The following CDC6 variants were observed in gnomAD, a reference collection of about 807,000 sequenced individuals.
The protein encoded by CDC6 is DNA replication factor CDC6.
CDC6 carries 46 observed loss-of-function variants against 60.2 expected under a neutral mutation model. The observed-to-expected ratio is 0.76, with a 90% confidence interval of 0.60 to 0.98. The LOEUF (loss-of-function observed/expected upper bound fraction) is 0.98. CDC6 is among the 50% of genes least tolerant of loss of function. CDC6 has a pLI of 0.00. For missense variants in CDC6, 596 were observed against 652.9 expected, an observed-to-expected ratio of 0.91 and a Z score of 0.95; for synonymous variants, 210 against 233.2, an observed-to-expected ratio of 0.90 and a Z score of 0.90.
At chr17:40,299,228 ACCT>A (rs1228114962) in intron 9 of CDC6, among the ~76,000 whole-genome samples, 3 of 136,734 alleles carry the variant, frequency 2.2e-5, no homozygotes, top group African/African-American at 8.5e-5. Context: ...GCTCAATGCA[ACCT>A]CCTCCTCCCA....
At position 40,300,991 on chromosome 17, in the gene CDC6, G is replaced by T. The variant is rs752887851; in HGVS notation, c.1413G>T (p.Leu471Phe). The change falls in exon 10 of 12, where the codon TTG (leucine) becomes TTT (phenylalanine). Residue 471 changes from leucine to phenylalanine, a missense_variant. Coordinates refer to ENST00000209728, the MANE Select transcript of CDC6 (RefSeq NM_001254.4). ...TCTTGGTTTGCTCTTTGATGCTCTTGATCAGGCAGTTGAAAATCAAAGAGG... is the reference window on the plus strand; with the variant it reads ...TCTTGGTTTGCTCTTTGATGCTCTTTATCAGGCAGTTGAAAATCAAAGAGG... ...QKILVCSLML[L>F]IRQLKIKEVT... The T allele has an allele frequency of 4.3e-6, 7 of 1,613,910 alleles. No individual in the cohort carries two copies. In the East Asian group the frequency reaches 1.3e-4, roughly 31 times the overall value.
chr17:40,301,441 C>T (rs764434710), intron 10 of CDC6, 27 bp from the exon 11 acceptor site: 122 of 1,612,276 alleles, frequency 7.6e-5, no homozygotes, highest in South Asian at 1.4e-4. Flanking sequence ...TTTTAAGCAG[C>T]GTTTGTTCTC....
intron 11 of CDC6, 117 bp from the exon 12 acceptor site, chr17:40,301,795 A>G (rs1292621546): frequency 2.1e-6 from 2 of 941,220 alleles, no homozygotes; most frequent in Non-Finnish European, 3.4e-6. Flanking sequence ...TGGAAAAAAA[A>G]GTGTTTAACT....
intron 6 of CDC6, 24 bp downstream of exon 6, chr17:40,294,080 A>C (rs1234118553): frequency 1.1e-5 from 16 of 1,480,716 alleles, no homozygotes; most frequent in African/African-American, 2.8e-5. Context: ...TGTTAATGTT[A>C]CATGGTGGTT....
rs752758392 is a variant in CDC6 at position 40,293,459 on chromosome 17, G to A, written c.664G>A (p.Glu222Lys). ...LSRILQDLKK[E>K]LKGFKTIMLN... Reference sequence around the variant, plus strand: ...ATATTTGCATTTTTTTTTCCAGAAGGAACTGAAAGGCTTTAAAACTATCAT... The same window carrying A: ...ATATTTGCATTTTTTTTTCCAGAAGAAACTGAAAGGCTTTAAAACTATCAT... The change falls in exon 5 of 12, where the codon GAA becomes AAA. Residue 222 changes from glutamate to lysine, a missense_variant. Transcript: ENST00000209728. The A allele has an allele frequency of 9.9e-6, 16 of 1,613,472 alleles. No homozygotes were observed. The highest frequency in any genetic ancestry group is 1.7e-6 in the Non-Finnish European group (2 of 1,179,674).
intron 8 of CDC6, 105 bp from the exon 9 acceptor site, chr17:40,296,598 T>C: frequency 1.4e-6 from 1 of 724,146 alleles, no homozygotes; most frequent in Non-Finnish European, 2.6e-6. Context: ...TTGTTCATAG[T>C]TGCAGTCTTT....
Position 40,301,149 on chromosome 17 carries a change from CAGTA to C in CDC6, c.1452+122_1452+125del, listed in dbSNP as rs2032934643. 7.5e-6 allele frequency: 6 copies of C among 799,678 alleles called. No individual in the cohort carries two copies. The Middle Eastern group carries it at 1.4e-3, about 186-fold the overall frequency. The allele number at this position is 799,678 out of a possible 1,614,324, so 49.5% of individuals were successfully genotyped here. A position where few individuals can be genotyped will look rare whatever the true frequency, so the allele number is the denominator to read the frequency against. ...ATAATAAATTTAAAATGGATTTTAACAGTAAGAATTAATACTGGTACTATATAAA... is the reference window on the plus strand; with the variant it reads ...ATAATAAATTTAAAATGGATTTTAACAGAATTAATACTGGTACTATATAAA... On this transcript the variant is annotated intron_variant, in intron 10 of 11. Transcript: ENST00000209728.
At chr17:40,296,873 C>T in intron 9 of CDC6, 106 bp downstream of exon 9, 1 of 816,136 alleles carries the variant, frequency 1.2e-6, no homozygotes, top group Non-Finnish European at 2.2e-6. Context: ...CAAACTCACC[C>T]ATTTTTATGT....
intron 8 of CDC6, 112 bp downstream of exon 8, chr17:40,295,568 T>C (rs1321257651): frequency 1.5e-5 from 11 of 748,618 alleles, no homozygotes; most frequent in Admixed American, 4.2e-5. Context: ...TTCTGCTACT[T>C]TTTTACGCTC....
intron 10 of CDC6, 97 bp downstream of exon 10, chr17:40,301,127 ATAAAT>A: frequency 1.2e-6 from 1 of 866,684 alleles, no homozygotes; most frequent in Non-Finnish European, 2.0e-6. Context: ...TCAGCTGATA[ATAAAT>A]TTAAAATGGA....
chr17:40,295,342 T>A lies in CDC6; in HGVS notation c.1084-14T>A. 6.5e-7 allele frequency: 1 copy of A among 1,535,370 alleles called. No individual in the cohort carries two copies. The highest frequency in any genetic ancestry group is 1.1e-5 in the South Asian group (1 of 89,500). On this transcript the variant is annotated splice_polypyrimidine_tract_variant and intron_variant, in intron 7 of 11. Transcript: ENST00000209728. ...TTATGGTTCAAACTGTCATCTTCTA[T>A]GTCTTGTCTGAAGGTATCTAGAGAT...
At position 40,291,688 on chromosome 17, in the gene CDC6, TATG is replaced by T; in HGVS notation, c.660+23_660+25del. Reference sequence around the variant, plus strand: ...CTCAAGGTACATTGAGAGTCTGAATTATGATACTCTTGGTAAAATGATACTTGG... The same window carrying T: ...CTCAAGGTACATTGAGAGTCTGAATTATACTCTTGGTAAAATGATACTTGG... On this transcript the variant is annotated intron_variant, in intron 4 of 11. Coordinates refer to ENST00000209728, the MANE Select transcript of CDC6 (RefSeq NM_001254.4). 1 of 1,591,270 alleles carries T rather than the reference TATG, an allele frequency of 6.3e-7. No homozygotes were observed. The highest frequency in any genetic ancestry group is 8.6e-7 in the Non-Finnish European group (1 of 1,159,122).
chr17:40,298,397 C>CT (rs5820344), intron 9 of CDC6, among the ~76,000 whole-genome samples: 34,730 of 145,370 alleles, frequency 0.24, 5,755 homozygotes, highest in African/African-American at 0.48. Context: ...TTTTTTCTTT[C>CT]TTTTTTTTTT....
At position 40,289,537 on chromosome 17, in the gene CDC6, C is replaced by A; in HGVS notation, c.117C>A (p.Val39=). 1 of 1,613,956 alleles carries A rather than the reference C, an allele frequency of 6.2e-7. No homozygotes were observed. Residue 39 remains valine, a synonymous_variant, in exon 2 of 12, where the codon GTC becomes GTA. Transcript: ENST00000209728. ...SSDAKLEPTN[V]QTVTCSPRVK... Reference sequence around the variant, plus strand: ...ATGCCAAACTAGAACCAACAAATGTCCAAACCGTAACCTGTTCTCCTCGTG... The same window carrying A: ...ATGCCAAACTAGAACCAACAAATGTACAAACCGTAACCTGTTCTCCTCGTG...
chr17:40,297,967 C>A (rs1454797985), intron 9 of CDC6, among the ~76,000 whole-genome samples: 1 of 152,146 alleles, frequency 6.6e-6, no homozygotes, highest in Non-Finnish European at 1.5e-5. Context: ...ACGTATCTTA[C>A]AGTATTTGAT....
intron 1 of CDC6, 111 bp from the exon 2 acceptor site, chr17:40,289,297 A>T: frequency 1.1e-6 from 1 of 889,650 alleles, no homozygotes; most frequent in Non-Finnish European, 1.8e-6. Context: ...TAAGTGTGAT[A>T]ACATAATTAG....
At position 40,293,962 on chromosome 17, in the gene CDC6, G is replaced by T. The variant is rs777349406; in HGVS notation, c.849G>T (p.Leu283Phe). 1 of 1,613,070 alleles carries T rather than the reference G, an allele frequency of 6.2e-7. No individual in the cohort carries two copies. Among genetic ancestry groups the T allele is most frequent in the Non-Finnish European group, 8.5e-7 (1 of 1,179,058 alleles). ...TCTCTTTTTATAGTGTGTTGGTATT[G>T]GACGAGATGGATCAACTGGACAGCA... ...AEKGPMIVLV[L>F]DEMDQLDSKG... Residue 283 changes from leucine to phenylalanine, a missense_variant, in exon 6 of 12, where the codon TTG becomes TTT. Leu to Phe is a conservative substitution (Grantham distance 22). Transcript: ENST00000209728.
Position 40,295,389 on chromosome 17 carries a change from G to C in CDC6, c.1117G>C (p.Val373Leu). The part of the protein sequence containing the change: ...SRDQVLDNAA[V>L]QFCARKVSAV... ...AGATCAGGTTCTGGACAATGCTGCAGTTCAATTCTGTGCCCGCAAAGTCTC... is the reference window on the plus strand; with the variant it reads ...AGATCAGGTTCTGGACAATGCTGCACTTCAATTCTGTGCCCGCAAAGTCTC... The change falls in exon 8 of 12, where the codon GTT (valine) becomes CTT (leucine). Residue 373 changes from valine (V) to leucine (L), a missense_variant. Physicochemically the swap from Val to Leu is conservative, Grantham distance 32 (BLOSUM62 1). Transcript: ENST00000209728. The C allele has an allele frequency of 6.2e-7, 1 of 1,613,600 alleles. No homozygotes were observed. The highest frequency in any genetic ancestry group is 1.1e-5 in the South Asian group (1 of 91,070).
intron 2 of CDC6, among the ~76,000 whole-genome samples, 173 bp downstream of exon 2, chr17:40,289,771 C>G (rs978884550): frequency 1.4e-5 from 2 of 138,260 alleles, no homozygotes; most frequent in African/African-American, 2.7e-5. Flanking sequence ...TGCAATAGTG[C>G]GATCTTGGCT....
Sources: gnomAD v4.1 joint callset for allele counts (sites outside exome capture counted in the v4.1 genomes callset) on GRCh38, gnomAD v4.1.1 for gene constraint, MANE v1.5 for transcripts, NCBI Gene and HGNC (gene_info 2026-07-23, HGNC 2026-07-21) for gene names.